The following TARBP2 variants were observed in gnomAD, a reference collection of about 807,000 sequenced individuals.
TARBP2 encodes the protein TARBP2 subunit of RISC loading complex, also known as RISC-loading complex subunit TARBP2.
Under a neutral mutation model 40.4 loss-of-function variants are expected in TARBP2, and 23 were observed. That is an observed-to-expected ratio of 0.57 (90% CI 0.41 to 0.81). TARBP2 has a LOEUF of 0.81. TARBP2 is among the 30% of genes least tolerant of loss of function. The probability of loss-of-function intolerance (pLI) is 0.00; values close to 1 mark genes in which losing one functional copy is unlikely to be tolerated. For synonymous variants in TARBP2, 183 were observed against 190.5 expected (o/e 0.96, Z 0.32); for missense variants, 358 against 473.7 (o/e 0.76, Z 2.27).
At chr12:53,504,291 G>T in intron 4 of TARBP2, 106 bp from the exon 5 acceptor site, 1 of 1,067,150 alleles carries the variant, frequency 9.4e-7, no homozygotes, top group Non-Finnish European at 1.3e-6. Context: ...CGGTGGAATC[G>T]GGAGATGGTA....
chr12:53,504,600 C>T (rs1205620252), intron 5 of TARBP2, 98 bp from the exon 6 acceptor site: 6 of 1,609,372 alleles, frequency 3.7e-6, no homozygotes, highest in Non-Finnish European at 5.1e-6. Context: ...CTCTCTCCTT[C>T]CTCTCACCTA....
chr12:53,502,203 G>A lies in TARBP2; in HGVS notation c.223+19G>A. 3 of 1,613,670 alleles carry A rather than the reference G, an allele frequency of 1.9e-6. No individual in the cohort carries two copies. The highest frequency in any genetic ancestry group is 2.5e-6 in the Non-Finnish European group (3 of 1,179,800). ...TGCACTGGTGAGGAAGGCTTGGGCA[G>A]CCTGGCTGGGGTGTGCATTTGCAGG... is the stretch of plus-strand genomic sequence containing the variant. On this transcript the variant is annotated intron_variant, in intron 2 of 8. Transcript: ENST00000266987.
At position 53,505,392 on chromosome 12, in the gene TARBP2, AC is replaced by A; in HGVS notation, c.741+132del. Reference sequence around the variant, plus strand: ...GGTCTGCTTCTGCCACAGTTTTCCTACCAGACCCAGGGTTCCTGGGGCCGAC... The same window carrying A: ...GGTCTGCTTCTGCCACAGTTTTCCTACAGACCCAGGGTTCCTGGGGCCGAC... On this transcript the variant is annotated intron_variant, in intron 7 of 8. Transcript: ENST00000266987. This position sits in a 1 kb window ranked among gnomAD's most constrained non-coding sequence, Gnocchi z 4.5. 7.1e-7 allele frequency: 1 copy of A among 1,405,946 alleles called. No homozygotes were observed. The highest frequency in any genetic ancestry group is 9.5e-7 in the Non-Finnish European group (1 of 1,054,270). The allele number at this position is 1,405,946 out of a possible 1,614,324, so 87.1% of individuals were successfully genotyped here.
At chr12:53,504,165 G>A (rs942802909) in intron 4 of TARBP2, 1 of 565,212 alleles carries the variant, frequency 1.8e-6, no homozygotes, top group Admixed American at 3.5e-5. Context: ...ATACCCAAGT[G>A]TTCCAGAATG....
rs1347540740 is a variant in TARBP2, at chr12:53,504,921, C to T, written c.613+106C>T. The T allele has an allele frequency of 7.5e-6, 11 of 1,468,562 alleles. 1 individual carries two copies. Among genetic ancestry groups the T allele is most frequent in the Non-Finnish European group, 1.0e-5 (11 of 1,067,182 alleles). 91.0% of individuals were successfully genotyped at this position (1,468,562 alleles called of 1,614,324 possible). A position where few individuals can be genotyped will look rare whatever the true frequency, so the allele number is the denominator to read the frequency against. The stretch of plus-strand genomic sequence containing the variant: ...TCTGCTACACCCCCTGCTCTCTTAG[C>T]TTCACAGTCCCTAGCTCAGCCCCTT... On this transcript the variant is annotated intron_variant, in intron 6 of 8. Coordinates refer to ENST00000266987, the MANE Select transcript of TARBP2 (RefSeq NM_134323.2).
chr12:53,505,532 G>T lies in TARBP2; in HGVS notation c.742-117G>T. ...AGGGGCCACCCAGGGATTGACTGGGGGGAGGCAAGCTGGAGGAAGCATTCT... is the reference window on the plus strand; with the variant it reads ...AGGGGCCACCCAGGGATTGACTGGGTGGAGGCAAGCTGGAGGAAGCATTCT... On this transcript the variant is annotated intron_variant, in intron 7 of 8. Coordinates refer to ENST00000266987, the MANE Select transcript of TARBP2 (RefSeq NM_134323.2). The surrounding 1 kb of genome is among the most constrained non-coding windows in gnomAD (Gnocchi z 4.5). 2.5e-6 allele frequency: 3 copies of T among 1,192,448 alleles called. No homozygotes were observed. Among genetic ancestry groups the T allele is most frequent in the Non-Finnish European group, 3.6e-6 (3 of 827,564 alleles). 73.9% of individuals were successfully genotyped at this position (1,192,448 alleles called of 1,614,324 possible).
Position 53,502,173 on chromosome 12 carries a change from C to T in TARBP2, c.212C>T (p.Thr71Ile). ...NFTFRVTVGD[T>I]SCTGQGPSKK... ...ACCTTCCGGGTCACCGTTGGCGACACCAGCTGCACTGGTGAGGAAGGCTTG... is the reference window on the plus strand; with the variant it reads ...ACCTTCCGGGTCACCGTTGGCGACATCAGCTGCACTGGTGAGGAAGGCTTG... Residue 71 changes from threonine (T) to isoleucine (I), a missense_variant, in exon 2 of 9, where the codon ACC (threonine) becomes ATC (isoleucine). By Grantham distance (89) the Thr-to-Ile change is moderately conservative. Coordinates refer to ENST00000266987, the MANE Select transcript of TARBP2 (RefSeq NM_134323.2). 2 of 1,614,218 alleles carry T rather than the reference C, an allele frequency of 1.2e-6. No individual in the cohort carries two copies. The highest frequency in any genetic ancestry group is 1.7e-6 in the Non-Finnish European group (2 of 1,180,048).
At chr12:53,502,869 C>T (rs1943781781) in intron 2 of TARBP2, 158 bp from the exon 3 acceptor site, 2 of 666,484 alleles carry the variant, frequency 3.0e-6, no homozygotes, top group Non-Finnish European at 4.7e-6. Flanking sequence ...GCTCTTCCTT[C>T]CAGCAATTAG....
chr12:53,503,166 A>G (rs1168496129), intron 3 of TARBP2, 37 bp downstream of exon 3: 5 of 1,523,382 alleles, frequency 3.3e-6, no homozygotes, highest in South Asian at 2.5e-5. Flanking sequence ...AAGCCCTTCA[A>G]GGAACCCAGG....
Position 53,503,062 on chromosome 12 carries a change from G to A in TARBP2, c.259G>A (p.Ala87Thr), listed in dbSNP as rs1323511961. 7.1e-6 allele frequency: 11 copies of A among 1,550,994 alleles called. No individual in the cohort carries two copies. The highest frequency in any genetic ancestry group is 2.7e-5 in the African/African-American group (2 of 73,028). ...GPSKKAAKHK[A>T]AEVALKHLKG... ...CAGCAAGAAGGCAGCCAAGCACAAGGCAGCTGAGGTGGCCCTCAAACACCT... is the reference window on the plus strand; with the variant it reads ...CAGCAAGAAGGCAGCCAAGCACAAGACAGCTGAGGTGGCCCTCAAACACCT... Residue 87 changes from alanine (A) to threonine (T), a missense_variant, in exon 3 of 9, where the codon GCA (alanine) becomes ACA (threonine). Coordinates refer to ENST00000266987, the MANE Select transcript of TARBP2 (RefSeq NM_134323.2).
Position 53,503,885 on chromosome 12 carries a change from A to G in TARBP2, c.422+77A>G, listed in dbSNP as rs1276463066. 3.6e-6 allele frequency: 4 copies of G among 1,101,900 alleles called. No homozygotes were observed. The East Asian group carries it at 7.0e-5, about 19-fold the overall frequency. 68.3% of individuals were successfully genotyped at this position (1,101,900 alleles called of 1,614,324 possible). A position where few individuals can be genotyped will look rare whatever the true frequency, so the allele number is the denominator to read the frequency against. On this transcript the variant is annotated intron_variant, in intron 4 of 8. Transcript: ENST00000266987. ...TTTGGTCCCTCAGTCCTTGGACCCA[A>G]GCTGGTCAGGCATGAGGAAGTCTGA...
rs1369663080 is a variant in TARBP2, at chr12:53,505,578, A to G, written c.742-71A>G. On this transcript the variant is annotated intron_variant, in intron 7 of 8. Transcript: ENST00000266987. The surrounding 1 kb of genome is among the most constrained non-coding windows in gnomAD (Gnocchi z 4.5). Reference sequence around the variant, plus strand: ...ATTCTTTGTGCTTTGTTCTCCTTTGACGTTGAATGTCTCAATGCCTGGGTC... The same window carrying G: ...ATTCTTTGTGCTTTGTTCTCCTTTGGCGTTGAATGTCTCAATGCCTGGGTC... 3.4e-6 allele frequency: 5 copies of G among 1,451,348 alleles called. No individual in the cohort carries two copies. The African/African-American group carries it at 5.6e-5, about 16-fold the overall frequency. 89.9% of individuals were successfully genotyped at this position (1,451,348 alleles called of 1,614,324 possible). A position where few individuals can be genotyped will look rare whatever the true frequency, so the allele number is the denominator to read the frequency against.
chr12:53,506,086 G>T lies in TARBP2; in HGVS notation c.1039G>T (p.Ala347Ser). Reference sequence around the variant, plus strand: ...TGGCTCTGCAACCACCAGGGAGGCAGCCCGTGGTGAGGCTGCCCGCCGTGC... The same window carrying T: ...TGGCTCTGCAACCACCAGGGAGGCATCCCGTGGTGAGGCTGCCCGCCGTGC... ...CHGSATTREA[A>S]RGEAARRALQ... The change falls in exon 9 of 9, where the codon GCC becomes TCC. Residue 347 changes from alanine (A) to serine (S), a missense_variant. By Grantham distance (99) the Ala-to-Ser change is moderately conservative. Coordinates refer to ENST00000266987, the MANE Select transcript of TARBP2 (RefSeq NM_134323.2). The T allele has an allele frequency of 6.2e-7, 1 of 1,613,980 alleles. No individual in the cohort carries two copies. The highest frequency in any genetic ancestry group is 8.5e-7 in the Non-Finnish European group (1 of 1,180,018).
chr12:53,505,047 TG>T lies in TARBP2; in HGVS notation c.614-82del. 6.5e-7 allele frequency: 1 copy of T among 1,533,164 alleles called. No homozygotes were observed. The allele number at this position is 1,533,164 out of a possible 1,614,324, so 95.0% of individuals were successfully genotyped here. A position where few individuals can be genotyped will look rare whatever the true frequency, so the allele number is the denominator to read the frequency against. On this transcript the variant is annotated intron_variant, in intron 6 of 8. Transcript: ENST00000266987. The surrounding 1 kb of genome is among the most constrained non-coding windows in gnomAD (Gnocchi z 4.5). ...GAGTTCCCCTTTCCAGTTGACATTC[TG>T]GGGGGACCCTCAATCCAAGTATGAC...
At chr12:53,503,978 G>GA (rs1943842081) in intron 4 of TARBP2, 170 bp downstream of exon 4, 2 of 624,164 alleles carry the variant, frequency 3.2e-6, no homozygotes, top group Non-Finnish European at 5.7e-6. Context: ...AAGCTCTTGG[G>GA]ACAAGAGGTC....
In TARBP2 at chr12:53,505,414, C is replaced by A; in HGVS notation, c.741+152C>A. On this transcript the variant is annotated intron_variant, in intron 7 of 8. Coordinates refer to ENST00000266987, the MANE Select transcript of TARBP2 (RefSeq NM_134323.2). The surrounding 1 kb of genome is among the most constrained non-coding windows in gnomAD (Gnocchi z 4.5). The stretch of plus-strand genomic sequence containing the variant: ...CCTACCAGACCCAGGGTTCCTGGGG[C>A]CGACTCAGCCTTGACTGTAGGCCCG... 1 of 1,286,582 alleles carries A rather than the reference C, an allele frequency of 7.8e-7. No individual in the cohort carries two copies. Among genetic ancestry groups the A allele is most frequent in the Non-Finnish European group, 1.1e-6 (1 of 950,882 alleles). The allele number at this position is 1,286,582 out of a possible 1,614,324, so 79.7% of individuals were successfully genotyped here. A position where few individuals can be genotyped will look rare whatever the true frequency, so the allele number is the denominator to read the frequency against.
chr12:53,502,962 T>C, intron 2 of TARBP2, 65 bp from the exon 3 acceptor site: 1 of 1,481,600 alleles, frequency 6.7e-7, no homozygotes, highest in East Asian at 2.6e-5. Context: ...AGAGAGGCTG[T>C]GGGATGCTGG....
chr12:53,502,352 G>A, intron 2 of TARBP2, 168 bp downstream of exon 2: 1 of 919,422 alleles, frequency 1.1e-6, no homozygotes, highest in Non-Finnish European at 1.6e-6. Flanking sequence ...CTGTAAGAAG[G>A]TGGGTAGGAC....
chr12:53,505,497 G>T lies in TARBP2; in HGVS notation c.742-152G>T. The T allele has an allele frequency of 9.5e-7, 1 of 1,052,942 alleles. No individual in the cohort carries two copies. The allele number at this position is 1,052,942 out of a possible 1,614,324, so 65.2% of individuals were successfully genotyped here. A position where few individuals can be genotyped will look rare whatever the true frequency, so the allele number is the denominator to read the frequency against. ...TCCCTGGCCATCTGGCCCAGGGCCT[G>T]GTAGTTAGAAGGGGCCACCCAGGGA... On this transcript the variant is annotated intron_variant, in intron 7 of 8. Transcript: ENST00000266987. The surrounding 1 kb of genome is among the most constrained non-coding windows in gnomAD (Gnocchi z 4.5).
Sources: allele counts gnomAD v4.1 joint callset, GRCh38; gene constraint gnomAD v4.1.1; non-coding constraint Gnocchi (gnomAD v3.1); transcripts MANE v1.5; gene names NCBI Gene and HGNC (gene_info 2026-07-23, HGNC 2026-07-21).